The following ALKBH8 variants were observed in gnomAD, a reference collection of about 807,000 sequenced individuals.
ALKBH8 encodes alkB homolog 8, tRNA methyltransferase.
Under a neutral mutation model 59.8 loss-of-function variants are expected in ALKBH8, and 36 were observed. That is an observed-to-expected ratio of 0.60 (90% CI 0.46 to 0.79). ALKBH8 has a LOEUF of 0.79. Among genes scored for constraint, ALKBH8 ranks in the 30% least tolerant of loss-of-function variants. The pLI is 0.00. For missense variants in ALKBH8, 768 were observed against 801.0 expected, an observed-to-expected ratio of 0.96 and a Z score of 0.50; for synonymous variants, 276 against 273.6, an observed-to-expected ratio of 1.01 and a Z score of -0.09.
At chr11:107,560,289 C>T (rs1259569308) in intron 2 of ALKBH8, among the ~76,000 whole-genome samples, 1 of 152,104 alleles carries the variant, frequency 6.6e-6, no homozygotes, top group Non-Finnish European at 1.5e-5. Context: ...TTTAACAGCA[C>T]ATAATCAAAA....
intron 7 of ALKBH8, among the ~76,000 whole-genome samples, chr11:107,548,857 T>C (rs78060618): frequency 8.4e-5 from 1 of 11,974 alleles, no homozygotes; most frequent in Admixed American, 7.7e-4. Flanking sequence ...TTTTCTTTCT[T>C]TTTTTTTTTT....
At chr11:107,537,024 T>G (rs1259683174) in intron 7 of ALKBH8, among the ~76,000 whole-genome samples, 1 of 152,234 alleles carries the variant, frequency 6.6e-6, no homozygotes, top group Non-Finnish European at 1.5e-5. Flanking sequence ...AAAGCCTTTG[T>G]CATCACCTAT....
chr11:107,548,999 T>C (rs2463658), intron 7 of ALKBH8, among the ~76,000 whole-genome samples: 111,355 of 148,420 alleles, frequency 0.75, 42,545 homozygotes, highest in South Asian at 0.85. Flanking sequence ...TACAGGCACA[T>C]GCCACCATGC....
At chr11:107,537,691 C>CTTAAAATAAAA (rs1863875985) in intron 7 of ALKBH8, among the ~76,000 whole-genome samples, 1 of 146,300 alleles carries the variant, frequency 6.8e-6, no homozygotes, top group South Asian at 2.3e-4. Flanking sequence ...TGCACATGTA[C>CTTAAAATAAAA]CCCTGAACTT....
chr11:107,520,323 T>C (rs1044753095), intron 10 of ALKBH8, among the ~76,000 whole-genome samples: 1 of 152,172 alleles, frequency 6.6e-6, no homozygotes, highest in African/African-American at 2.4e-5. Flanking sequence ...ACTGAGTGAG[T>C]GTACTTATGA....
intron 10 of ALKBH8, among the ~76,000 whole-genome samples, chr11:107,522,041 A>G (rs1863133781): frequency 1.3e-5 from 2 of 152,178 alleles, no homozygotes; most frequent in Admixed American, 1.3e-4. Flanking sequence ...AAAGAGTTTT[A>G]TAACTATAAG....
intron 6 of ALKBH8, among the ~76,000 whole-genome samples, chr11:107,551,565 G>A (rs1214605691): frequency 6.6e-6 from 1 of 151,608 alleles, no homozygotes; most frequent in Admixed American, 6.6e-5. Context: ...ATGATGGTGT[G>A]CGCCTGTAAT....
chr11:107,510,257 G>T (rs1014996867), intron 11 of ALKBH8, among the ~76,000 whole-genome samples: 9 of 152,256 alleles, frequency 5.9e-5, no homozygotes, highest in Middle Eastern at 3.4e-3. Flanking sequence ...TCAAGGGAAT[G>T]ACTGCTGACA....
At chr11:107,561,850 T>C (rs17107158) in intron 1 of ALKBH8, among the ~76,000 whole-genome samples, 6,563 of 152,302 alleles carry the variant, frequency 0.043, 298 homozygotes, top group East Asian at 0.21. Flanking sequence ...CTCAGCACCC[T>C]GCAGCATGCA....
intron 7 of ALKBH8, among the ~76,000 whole-genome samples, chr11:107,537,972 A>C (rs2037826): frequency 0.2 from 30,628 of 151,946 alleles, 3,872 homozygotes; most frequent in South Asian, 0.37. Flanking sequence ...TAAGGAGTCT[A>C]TACTTTCATT....
intron 7 of ALKBH8, among the ~76,000 whole-genome samples, chr11:107,539,985 T>C (rs1863973174): frequency 6.6e-6 from 1 of 152,214 alleles, no homozygotes; most frequent in South Asian, 2.1e-4. Context: ...CACAGGATGG[T>C]GCCCTATGGC....
At chr11:107,554,095 C>A in intron 3 of ALKBH8, 117 bp from the exon 4 acceptor site, 1 of 1,315,218 alleles carries the variant, frequency 7.6e-7, no homozygotes, top group East Asian at 2.5e-5. Flanking sequence ...TTTTCGGAAA[C>A]AAGATTGCTG....
intron 7 of ALKBH8, among the ~76,000 whole-genome samples, chr11:107,545,741 T>G (rs1175044645): frequency 6.6e-6 from 1 of 152,204 alleles, no homozygotes; most frequent in East Asian, 1.9e-4. Flanking sequence ...AGTCTTTCAG[T>G]GAATGTTGAT....
rs180993185 is a variant in ALKBH8 at position 107,535,181 on chromosome 11, A to G, written c.772-2775T>C. Among the ~76,000 whole-genome samples, 25 of 152,220 alleles carry G rather than the reference A, an allele frequency of 1.6e-4. No individual in the cohort carries two copies. In the Middle Eastern group the frequency reaches 0.01, roughly 62 times the overall value. On this transcript the variant is annotated intron_variant, in intron 7 of 11. Transcript: ENST00000428149. The stretch of plus-strand genomic sequence containing the variant: ...TGATGGGCATTTGGGCTGGTTCCAT[A>G]TTTTTGCAAATTGCAAATGGTGCTG...
At chr11:107,530,237 G>A (rs1463831256) in intron 8 of ALKBH8, among the ~76,000 whole-genome samples, 1 of 152,194 alleles carries the variant, frequency 6.6e-6, no homozygotes, top group African/African-American at 2.4e-5. Context: ...AAGGTATGAT[G>A]GCTAGAATAG....
intron 2 of ALKBH8, among the ~76,000 whole-genome samples, chr11:107,559,904 T>C (rs568105654): frequency 3.9e-5 from 6 of 152,290 alleles, no homozygotes; most frequent in Middle Eastern, 3.4e-3. Flanking sequence ...ACCTTCTCAA[T>C]TGTATGTCCA....
chr11:107,534,701 A>T (rs886912988), intron 7 of ALKBH8, among the ~76,000 whole-genome samples: 6 of 152,170 alleles, frequency 3.9e-5, no homozygotes, highest in Admixed American at 2.6e-4. Context: ...GGAAAAATAT[A>T]CAACCAAATA....
At chr11:107,511,172 T>C (rs74331555) in intron 10 of ALKBH8, 136 bp from the exon 11 acceptor site, 10,358 of 876,838 alleles carry the variant, frequency 0.012, 77 homozygotes, top group Non-Finnish European at 0.014. Context: ...CATGATACTA[T>C]CGGTTCTTAC....
chr11:107,504,804 G>A lies in ALKBH8; in HGVS notation c.1849C>T (p.Gln617Ter). 6.4e-7 allele frequency: 1 copy of A among 1,551,796 alleles called. No homozygotes were observed. The highest frequency in any genetic ancestry group is 8.7e-7 in the Non-Finnish European group (1 of 1,147,004). Residue 617 changes from glutamine (Q) to a stop codon, truncating the protein, a stop_gained, in exon 12 of 12, where the codon CAG becomes TAG. Coordinates refer to ENST00000428149, the MANE Select transcript of ALKBH8 (RefSeq NM_138775.3). LOFTEE classifies it high-confidence loss of function. ...CGATGAAACACAGGACTTGGGTCCT[G>A]GGATCCTATGGGACCAAATGGCTCA... is the stretch of plus-strand genomic sequence containing the variant. ...PVEPFGPIGS[Q>*]DPSPVFHRYY...
Sources: gnomAD v4.1 joint callset for allele counts (sites outside exome capture counted in the v4.1 genomes callset) on GRCh38, gnomAD v4.1.1 for gene constraint, MANE v1.5 for transcripts, NCBI Gene and HGNC (gene_info 2026-07-23, HGNC 2026-07-21) for gene names.